DGKI: variants seen among roughly 807,000 people sequenced by gnomAD.
DGKI encodes the protein diacylglycerol kinase iota.
DGKI carries 55 observed loss-of-function variants against 147.5 expected under a neutral mutation model. The observed-to-expected ratio is 0.37, with a 90% CI of 0.30 to 0.47. The LOEUF is 0.47. Ranked by LOEUF, DGKI falls within the 20% of genes least tolerant of loss-of-function variation. The pLI is 1.00. For missense variants in DGKI, 1,007 were observed against 1,323.8 expected (o/e 0.76, Z 3.71); for synonymous variants, 469 against 477.1 (o/e 0.98, Z 0.22).
chr7:137,758,148 C>T (rs1795744645), intron 1 of DGKI, among the ~76,000 whole-genome samples: 1 of 152,218 alleles, frequency 6.6e-6, no homozygotes, highest in Non-Finnish European at 1.5e-5. Flanking sequence ...ATCCACTTTA[C>T]TACCTCCTCC....
At chr7:137,821,915 T>C (rs1490766942) in intron 1 of DGKI, among the ~76,000 whole-genome samples, 1 of 152,152 alleles carries the variant, frequency 6.6e-6, no homozygotes. Flanking sequence ...GAATCCTTTC[T>C]AGAGAGTAAT....
chr7:137,826,769 C>G (rs758589443), intron 1 of DGKI, among the ~76,000 whole-genome samples: 5 of 152,084 alleles, frequency 3.3e-5, no homozygotes, highest in Non-Finnish European at 4.4e-5. Context: ...AGGGAAAGTG[C>G]CTAGCTCAGA....
At chr7:137,485,662 A>G (rs1242422178) in intron 22 of DGKI, among the ~76,000 whole-genome samples, 1 of 152,146 alleles carries the variant, frequency 6.6e-6, no homozygotes, top group Non-Finnish European at 1.5e-5. Context: ...TAGTGTTTAA[A>G]GTAAGTGTTA....
chr7:137,391,218 G>C lies in DGKI; in HGVS notation c.*2C>G. ...CATGTCCTCTTTGCCCGAATACCAG[G>C]GTCAAACAGCAGTTTCCAGGTCCTC... On this transcript the variant is annotated 3_prime_UTR_variant, in exon 33 of 33. Coordinates refer to ENST00000614521, the MANE Select transcript of DGKI (RefSeq NM_001321708.2). The C allele has an allele frequency of 6.2e-7, 1 of 1,611,768 alleles. No homozygotes were observed. The highest frequency in any genetic ancestry group is 8.5e-7 in the Non-Finnish European group (1 of 1,177,986).
At chr7:137,796,315 T>G (rs941931940) in intron 1 of DGKI, among the ~76,000 whole-genome samples, 1 of 152,128 alleles carries the variant, frequency 6.6e-6, no homozygotes, top group Non-Finnish European at 1.5e-5. Flanking sequence ...CTGATCAACA[T>G]GGCAAAACCC....
intron 1 of DGKI, among the ~76,000 whole-genome samples, chr7:137,829,991 G>A (rs1798171834): frequency 6.6e-6 from 1 of 151,972 alleles, no homozygotes; most frequent in African/African-American, 2.4e-5. Flanking sequence ...GAGAGAGAGA[G>A]GGAAGGAGGG....
chr7:137,481,694 C>T (rs984112035), intron 23 of DGKI, among the ~76,000 whole-genome samples: 1 of 152,030 alleles, frequency 6.6e-6, no homozygotes, highest in African/African-American at 2.4e-5. Context: ...GAAACCAAAG[C>T]AATGAAATGC....
chr7:137,499,118 T>C (rs1224360109), intron 21 of DGKI, among the ~76,000 whole-genome samples: 1 of 152,176 alleles, frequency 6.6e-6, no homozygotes, highest in Non-Finnish European at 1.5e-5. Context: ...ATCTGCTACT[T>C]AGTTTTTTCA....
intron 1 of DGKI, among the ~76,000 whole-genome samples, chr7:137,701,210 C>T (rs1369592917): frequency 1.3e-5 from 2 of 151,876 alleles, no homozygotes; most frequent in Non-Finnish European, 2.9e-5. Context: ...ATAAAGAATA[C>T]ATATGAAAAA....
intron 16 of DGKI, 144 bp downstream of exon 16, chr7:137,578,126 C>A: frequency 1.8e-6 from 1 of 561,892 alleles, no homozygotes; most frequent in Non-Finnish European, 3.1e-6. Flanking sequence ...ATTCTTAAGC[C>A]CAGCCATGAA....
intron 20 of DGKI, chr7:137,545,964 T>C: frequency 1.4e-6 from 1 of 702,462 alleles, no homozygotes; most frequent in Non-Finnish European, 2.6e-6. Flanking sequence ...TGATGAATAC[T>C]AGAGGCAGCA....
chr7:137,422,855 C>T (rs1351889340), intron 28 of DGKI, among the ~76,000 whole-genome samples: 2 of 152,134 alleles, frequency 1.3e-5, no homozygotes, highest in Non-Finnish European at 2.9e-5. Context: ...CCACCCGCCT[C>T]AGCCTCCCAA....
At chr7:137,597,452 T>TAA (rs113622672) in intron 12 of DGKI, among the ~76,000 whole-genome samples, 2 of 146,526 alleles carry the variant, frequency 1.4e-5, no homozygotes, top group African/African-American at 5.0e-5. Context: ...TTCCCACTAG[T>TAA]AAAAAAAAAA....
chr7:137,464,404 C>A (rs56303748), intron 26 of DGKI, among the ~76,000 whole-genome samples: 13,336 of 152,058 alleles, frequency 0.088, 1,961 homozygotes, highest in African/African-American at 0.31. Flanking sequence ...CAGACTCTAG[C>A]ACCTGCTGCT....
At chr7:137,585,381 G>A (rs1286784386) in intron 13 of DGKI, 35 bp from the exon 14 acceptor site, 1 of 1,606,762 alleles carries the variant, frequency 6.2e-7, no homozygotes, top group Non-Finnish European at 8.5e-7. Context: ...TTGCTGTCCA[G>A]AGTGGAGAAC....
intron 1 of DGKI, among the ~76,000 whole-genome samples, chr7:137,752,591 A>G (rs1233489782): frequency 6.6e-6 from 1 of 152,212 alleles, no homozygotes; most frequent in African/African-American, 2.4e-5. Flanking sequence ...TTATCTGTAG[A>G]TTCCAGACAT....
chr7:137,612,408 C>T (rs955731790), intron 8 of DGKI, among the ~76,000 whole-genome samples: 4 of 151,980 alleles, frequency 2.6e-5, no homozygotes, highest in East Asian at 1.9e-4. Context: ...TACAGCCCTA[C>T]GGATAGTCAA....
At chr7:137,469,769 T>C in intron 23 of DGKI, 150 bp from the exon 24 acceptor site, 1 of 527,988 alleles carries the variant, frequency 1.9e-6, no homozygotes, top group Non-Finnish European at 3.2e-6. Context: ...AGAAGGGCTC[T>C]TTTTTGAAAT....
chr7:137,537,829 A>T (rs1040076602), intron 20 of DGKI, among the ~76,000 whole-genome samples: 2 of 152,220 alleles, frequency 1.3e-5, no homozygotes, highest in African/African-American at 2.4e-5. Flanking sequence ...CTTATAGTTT[A>T]CAAAGGCATG....
Sources: allele counts gnomAD v4.1 joint callset (sites outside exome capture counted in the v4.1 genomes callset), GRCh38; gene constraint gnomAD v4.1.1; transcripts MANE v1.5; gene names NCBI Gene and HGNC (gene_info 2026-07-23, HGNC 2026-07-21).